The following FBF1 variants were observed in gnomAD, a reference collection of about 807,000 sequenced individuals.
FBF1 encodes the protein Fas binding factor 1.
FBF1 carries 119 observed loss-of-function variants against 147.2 expected under a neutral mutation model. The ratio of observed to expected loss-of-function variants is 0.81; its 90% CI spans 0.70 to 0.94. The LOEUF is 0.94. Ranked by LOEUF, FBF1 falls within the 40% of genes least tolerant of loss-of-function variation. The pLI is 0.00. For missense variants in FBF1, 1,449 were observed against 1,500.8 expected, an observed-to-expected ratio of 0.97 and a Z score of 0.57; for synonymous variants, 601 against 609.0, an observed-to-expected ratio of 0.99 and a Z score of 0.19.
At chr17:75,939,044 C>G (rs950731725) in intron 1 of FBF1, among the ~76,000 whole-genome samples, 6 of 151,812 alleles carry the variant, frequency 4.0e-5, no homozygotes, top group Admixed American at 2.6e-4. Flanking sequence ...ACCTGTTATC[C>G]CAGCACTTTG....
At chr17:75,912,397 C>G in intron 28 of FBF1, 90 bp from the exon 29 acceptor site, 1 of 957,088 alleles carries the variant, frequency 1.0e-6, no homozygotes, top group Non-Finnish European at 1.5e-6. Flanking sequence ...GCTCCCCCCG[C>G]CAGTGGGTGG....
chr17:75,937,860 A>C, intron 2 of FBF1: 1 of 626,490 alleles, frequency 1.6e-6, no homozygotes, highest in Non-Finnish European at 2.8e-6. Context: ...AAACCCTCCC[A>C]GCCGAGATGT....
intron 8 of FBF1, 63 bp from the exon 9 acceptor site, chr17:75,927,595 T>G: frequency 6.8e-7 from 1 of 1,463,364 alleles, no homozygotes. Flanking sequence ...CCTCCTCCCA[T>G]ATCATGGACT....
intron 15 of FBF1, 135 bp downstream of exon 15, chr17:75,921,810 G>T (rs1598155788): frequency 1.2e-6 from 1 of 819,738 alleles, no homozygotes; most frequent in Non-Finnish European, 1.9e-6. Flanking sequence ...GGACGGAGCA[G>T]GGTGGGCAGC....
rs775483855 is a variant in FBF1 at position 75,928,124 on chromosome 17, C to T, written c.349G>A (p.Ala117Thr). 3 of 1,613,844 alleles carry T rather than the reference C, an allele frequency of 1.9e-6. No homozygotes were observed. In the East Asian group the frequency reaches 6.7e-5, roughly 36 times the overall value. Residue 117 changes from alanine to threonine, a missense_variant, in exon 8 of 30, where the codon GCA (alanine) becomes ACA (threonine). Transcript: ENST00000636174. The surrounding 1 kb of genome is among the most constrained non-coding windows in gnomAD (Gnocchi z 4.2). ...KSNSAPSKKA[A>T]KDPGKGELPN... ...AGCTCTCCTTTCCCAGGGTCCTTTG[C>T]AGCTTTTTTGCTAGGGGCTGAATTA...
intron 7 of FBF1, among the ~76,000 whole-genome samples, chr17:75,929,498 A>C (rs1000764642): frequency 1.3e-5 from 2 of 152,320 alleles, no homozygotes; most frequent in South Asian, 4.1e-4. Context: ...AAGGAGAGGG[A>C]GAACAAGGTG....
intron 18 of FBF1, 35 bp downstream of exon 18, chr17:75,920,239 C>T: frequency 6.3e-7 from 1 of 1,599,734 alleles, no homozygotes; most frequent in Non-Finnish European, 8.5e-7. Flanking sequence ...TGTCGCAACC[C>T]TGCCACCAGC....
Position 75,917,789 on chromosome 17 carries a change from C to T in FBF1, c.2448G>A (p.Gln816=), listed in dbSNP as rs928656963. The T allele has an allele frequency of 6.2e-6, 10 of 1,611,030 alleles. No individual in the cohort carries two copies. The South Asian group carries it at 7.7e-5, about 12-fold the overall frequency. The change falls in exon 23 of 30, where the codon CAG becomes CAA. Residue 816 remains glutamine (Q), a synonymous_variant. Coordinates refer to ENST00000636174, the MANE Select transcript of FBF1 (RefSeq NM_001319193.2). ...GTGCCTCCATCTTCCCGATGACCTCCTGTTGCCGGCTCCGCTCCTCCTCCA... is the reference window on the plus strand; with the variant it reads ...GTGCCTCCATCTTCCCGATGACCTCTTGTTGCCGGCTCCGCTCCTCCTCCA... ...RDMEEERSRQ[Q]EVIGKMEARL...
In FBF1 at chr17:75,922,821, C is replaced by G. The variant is rs922503691; in HGVS notation, c.1424+365G>C. Among the ~76,000 whole-genome samples the G allele has an allele frequency of 6.6e-5, 10 of 152,228 alleles. No homozygotes were observed. Among genetic ancestry groups the G allele is most frequent in the African/African-American group, 2.4e-4 (10 of 41,460 alleles). ...GCTTCAGTGGAGTCGGCAGAAGCAC[C>G]GGCTGTTTGGATGCCGGGGCTTCCA... On this transcript the variant is annotated intron_variant, in intron 14 of 29. Transcript: ENST00000636174. This position sits in a 1 kb window ranked among gnomAD's most constrained non-coding sequence, Gnocchi z 5.0.
Position 75,938,173 on chromosome 17 carries a change from C to T in FBF1, c.-24G>A. Reference sequence around the variant, plus strand: ...ATCTCACGGCTCTCGGGGGTGCTCTCAGCTCCTTCACAGCACTGGCCAGCT... The same window carrying T: ...ATCTCACGGCTCTCGGGGGTGCTCTTAGCTCCTTCACAGCACTGGCCAGCT... On this transcript the variant is annotated 5_prime_UTR_variant, in exon 2 of 30. Coordinates refer to ENST00000636174, the MANE Select transcript of FBF1 (RefSeq NM_001319193.2). 6.2e-7 allele frequency: 1 copy of T among 1,613,554 alleles called. No homozygotes were observed. Among genetic ancestry groups the T allele is most frequent in the Non-Finnish European group, 8.5e-7 (1 of 1,179,808 alleles).
At chr17:75,929,895 G>T in intron 7 of FBF1, 102 bp downstream of exon 7, 1 of 1,083,700 alleles carries the variant, frequency 9.2e-7, no homozygotes, top group Non-Finnish European at 1.4e-6. Flanking sequence ...AACACAGGTT[G>T]TAAAGGGAGA....
chr17:75,923,237 G>T lies in FBF1; in HGVS notation c.1373C>A (p.Thr458Asn), dbSNP rs1200070631. The T allele has an allele frequency of 6.3e-7, 1 of 1,591,928 alleles. No homozygotes were observed. Among genetic ancestry groups the T allele is most frequent in the Admixed American group, 1.8e-5 (1 of 56,670 alleles). ...CCCCGCCAAATGCAGGCCCTCAGAG[G>T]TCCCAGCATGCTGCTCTCTGGCCAG... ...QGLAREQHAGTSEGLHLAGTA... is the reference protein window; with the variant it reads ...QGLAREQHAGNSEGLHLAGTA... Residue 458 changes from threonine (T) to asparagine (N), a missense_variant, in exon 14 of 30, where the codon ACC (threonine) becomes AAC (asparagine). Coordinates refer to ENST00000636174, the MANE Select transcript of FBF1 (RefSeq NM_001319193.2). The surrounding 1 kb of genome is among the most constrained non-coding windows in gnomAD (Gnocchi z 4.1).
intron 2 of FBF1, chr17:75,937,882 A>C: frequency 1.6e-6 from 1 of 627,882 alleles, no homozygotes; most frequent in South Asian, 1.9e-5. Context: ...ATGTGACCGG[A>C]AATGTCTTCT....
At chr17:75,920,783 G>A (rs62088253) in intron 17 of FBF1, among the ~76,000 whole-genome samples, 1 of 150,982 alleles carries the variant, frequency 6.6e-6, no homozygotes. Context: ...CACTAATCTG[G>A]TTCCCACGAG....
chr17:75,915,964 C>T (rs1191739152), intron 23 of FBF1, among the ~76,000 whole-genome samples: 4 of 141,804 alleles, frequency 2.8e-5, no homozygotes, highest in Admixed American at 7.4e-5. Context: ...GCTGAGATTG[C>T]GCCACTACAC....
chr17:75,914,274 C>A lies in FBF1; in HGVS notation c.2839G>T (p.Ala947Ser). 6.3e-7 allele frequency: 1 copy of A among 1,592,466 alleles called. No homozygotes were observed. Residue 947 changes from alanine to serine, a missense_variant, in exon 26 of 30, where the codon GCC (alanine) becomes TCC (serine). Transcript: ENST00000636174. Reference sequence around the variant, plus strand: ...TTCTCCTCGGCCCGGAGCTCGCTGGCCCTGATCTTCAGCTCAGCCTGCTCC... The same window carrying A: ...TTCTCCTCGGCCCGGAGCTCGCTGGACCTGATCTTCAGCTCAGCCTGCTCC... The part of the protein sequence containing the change: ...AKEQAELKIR[A>S]SELRAEEKQL...
Position 75,909,708 on chromosome 17 carries a change from A to G in FBF1, c.*1015T>C. On this transcript the variant is annotated 3_prime_UTR_variant, in exon 30 of 30. Transcript: ENST00000636174. Reference sequence around the variant, plus strand: ...GCAGACCGCAGGTGCTGGAGGGGAGAGGCACGTGGCCAGAGGCGCCTGGTC... The same window carrying G: ...GCAGACCGCAGGTGCTGGAGGGGAGGGGCACGTGGCCAGAGGCGCCTGGTC... 1 of 578,614 alleles carries G rather than the reference A, an allele frequency of 1.7e-6. No individual in the cohort carries two copies. The highest frequency in any genetic ancestry group is 3.1e-6 in the Non-Finnish European group (1 of 323,512). 35.8% of individuals were successfully genotyped at this position (578,614 alleles called of 1,614,324 possible).
At position 75,926,075 on chromosome 17, in the gene FBF1, C is replaced by G; in HGVS notation, c.823G>C (p.Glu275Gln). The stretch of plus-strand genomic sequence containing the variant: ...TTGTCTAGCTTGAACTCCCTGTGCT[C>G]CCCGGTGCCCGGGCGGGCCAGGAGT... ...TKLLARPGTG[E>Q]HREFKLDKKY... Residue 275 changes from glutamate to glutamine, a missense_variant, in exon 12 of 30, where the codon GAG (glutamate) becomes CAG (glutamine). Glu to Gln is a conservative substitution (Grantham distance 29, BLOSUM62 2). Transcript: ENST00000636174. The G allele has an allele frequency of 6.2e-7, 1 of 1,612,568 alleles. No individual in the cohort carries two copies. The highest frequency in any genetic ancestry group is 8.5e-7 in the Non-Finnish European group (1 of 1,179,818).
chr17:75,918,282 G>A lies in FBF1; in HGVS notation c.2139-13C>T, dbSNP rs758932462. 3.2e-5 allele frequency: 51 copies of A among 1,607,328 alleles called. No homozygotes were observed. The highest frequency in any genetic ancestry group is 6.7e-5 in the Admixed American group (4 of 59,524). On this transcript the variant is annotated splice_polypyrimidine_tract_variant and intron_variant, in intron 20 of 29. Coordinates refer to ENST00000636174, the MANE Select transcript of FBF1 (RefSeq NM_001319193.2). This position sits in a 1 kb window ranked among gnomAD's most constrained non-coding sequence, Gnocchi z 5.8. ...TAGGATGGACGCCCTGAGGGGAGGCGGGAGGGGAAGGCGGTCACTCTGAGC... is the reference window on the plus strand; with the variant it reads ...TAGGATGGACGCCCTGAGGGGAGGCAGGAGGGGAAGGCGGTCACTCTGAGC...
Sources: allele counts gnomAD v4.1 joint callset (sites outside exome capture counted in the v4.1 genomes callset), GRCh38; gene constraint gnomAD v4.1.1; non-coding constraint Gnocchi (gnomAD v3.1); transcripts MANE v1.5; gene names NCBI Gene and HGNC (gene_info 2026-07-23, HGNC 2026-07-21).